SPOCK1: variants seen among roughly 807,000 people sequenced by gnomAD.
SPOCK1 encodes the protein testican-1.
SPOCK1 carries 23 observed loss-of-function variants against 55.3 expected under a neutral mutation model. The ratio of observed to expected loss-of-function variants is 0.42; its 90% CI spans 0.30 to 0.59. The LOEUF (loss-of-function observed/expected upper bound fraction) is 0.59. SPOCK1 is among the 20% of genes least tolerant of loss of function. The pLI is 0.22. For synonymous variants in SPOCK1, 226 were observed against 221.0 expected (o/e 1.02, Z -0.20); for missense variants, 499 against 552.5 (o/e 0.90, Z 0.97).
intron 6 of SPOCK1, among the ~76,000 whole-genome samples, chr5:137,011,506 T>G (rs1044325463): frequency 2.0e-5 from 3 of 152,280 alleles, no homozygotes; most frequent in African/African-American, 7.2e-5. Flanking sequence ...CCAGCATGTT[T>G]TTCTCCCTAA....
intron 2 of SPOCK1, among the ~76,000 whole-genome samples, chr5:137,358,518 G>A (rs1487930414): frequency 6.7e-6 from 1 of 149,536 alleles, no homozygotes; most frequent in Non-Finnish European, 1.5e-5. Flanking sequence ...GAAGGGAGGA[G>A]GTGGAGGAGT....
At chr5:137,292,633 C>A (rs1447573011) in intron 2 of SPOCK1, among the ~76,000 whole-genome samples, 1 of 152,100 alleles carries the variant, frequency 6.6e-6, no homozygotes, top group Non-Finnish European at 1.5e-5. Context: ...GCACATGAAT[C>A]TCTACAGCGT....
At chr5:137,030,964 C>T (rs1424292070) in intron 6 of SPOCK1, among the ~76,000 whole-genome samples, 1 of 152,138 alleles carries the variant, frequency 6.6e-6, no homozygotes, top group African/African-American at 2.4e-5. Context: ...CAAGGCACTA[C>T]CTATAAAATC....
At chr5:137,174,750 G>A (rs1339926697) in intron 3 of SPOCK1, among the ~76,000 whole-genome samples, 2 of 152,232 alleles carry the variant, frequency 1.3e-5, no homozygotes, top group African/African-American at 2.4e-5. Context: ...GTATTGATCA[G>A]GGAAGAAACA....
chr5:137,390,322 T>C (rs533443241), intron 2 of SPOCK1, among the ~76,000 whole-genome samples: 1 of 152,324 alleles, frequency 6.6e-6, no homozygotes, highest in East Asian at 1.9e-4. Context: ...TGGCTGCTAA[T>C]GCAATGACCC....
chr5:137,149,100 C>T (rs758704770), intron 3 of SPOCK1, among the ~76,000 whole-genome samples: 3 of 152,194 alleles, frequency 2.0e-5, no homozygotes, highest in Non-Finnish European at 2.9e-5. Flanking sequence ...CTTTTAAAGG[C>T]AATGCTGCTG....
At chr5:137,412,492 A>G (rs1337737839) in intron 2 of SPOCK1, among the ~76,000 whole-genome samples, 1 of 152,262 alleles carries the variant, frequency 6.6e-6, no homozygotes, top group East Asian at 1.9e-4. Context: ...AAACAACTGC[A>G]TAGCTGTCCA....
rs200427952 is a variant in SPOCK1, at chr5:137,471,988, AG to A, written c.186+26384del. On this transcript the variant is annotated intron_variant, in intron 2 of 10. Coordinates refer to ENST00000394945, the MANE Select transcript of SPOCK1 (RefSeq NM_004598.4). ...GGAGAGGAGAACAGAGCAACTGACA[AG>A]GGTGAGCAGAAATAAAAGGGATGAA... is the stretch of plus-strand genomic sequence containing the variant. 1.2e-4 allele frequency among the ~76,000 whole-genome samples: 18 copies of A among 152,332 alleles called. No individual in the cohort carries two copies. The East Asian group carries it at 3.5e-3, about 29-fold the overall frequency.
intron 6 of SPOCK1, among the ~76,000 whole-genome samples, chr5:137,044,150 A>G (rs1752057537): frequency 6.6e-6 from 1 of 152,232 alleles, no homozygotes; most frequent in South Asian, 2.1e-4. Context: ...TGTTCTAAGC[A>G]TAAAGAATGA....
intron 6 of SPOCK1, among the ~76,000 whole-genome samples, chr5:137,014,311 CG>C (rs1580707915): frequency 6.6e-6 from 1 of 152,182 alleles, no homozygotes; most frequent in African/African-American, 2.4e-5. Flanking sequence ...CCTGCAGAAT[CG>C]TGAGCCAACT....
intron 6 of SPOCK1, among the ~76,000 whole-genome samples, chr5:137,014,118 C>A (rs566063187): frequency 9.9e-5 from 15 of 152,258 alleles, no homozygotes; most frequent in Admixed American, 8.5e-4. Flanking sequence ...TGACTTCTTG[C>A]AAGATCTGGT....
intron 2 of SPOCK1, among the ~76,000 whole-genome samples, chr5:137,482,340 G>A (rs947400962): frequency 6.6e-6 from 1 of 152,182 alleles, no homozygotes; most frequent in Non-Finnish European, 1.5e-5. Flanking sequence ...TGAACCAGAA[G>A]TAAAGACGTG....
intron 2 of SPOCK1, among the ~76,000 whole-genome samples, chr5:137,277,444 G>A (rs567594981): frequency 4.6e-4 from 70 of 152,214 alleles, no homozygotes; most frequent in African/African-American, 1.5e-3. Context: ...GCCTGACTTC[G>A]AAGATCATGC....
At chr5:137,067,992 T>C (rs1752543586) in intron 5 of SPOCK1, among the ~76,000 whole-genome samples, 163 bp from the exon 6 acceptor site, 1 of 152,110 alleles carries the variant, frequency 6.6e-6, no homozygotes, top group South Asian at 2.1e-4. Context: ...AAATAAGAAA[T>C]GGCCTTTTAT....
intron 3 of SPOCK1, among the ~76,000 whole-genome samples, chr5:137,157,072 C>G (rs542266666): frequency 6.6e-6 from 1 of 152,180 alleles, no homozygotes; most frequent in Non-Finnish European, 1.5e-5. Flanking sequence ...ATTTCCTTCT[C>G]CCCCTTTACA....
chr5:137,088,580 C>T (rs972308373), intron 5 of SPOCK1, among the ~76,000 whole-genome samples: 2 of 152,206 alleles, frequency 1.3e-5, no homozygotes, highest in East Asian at 3.9e-4. Context: ...CCCACCTTCA[C>T]CCCCAGTCCT....
chr5:137,410,867 G>A (rs1241126423), intron 2 of SPOCK1, among the ~76,000 whole-genome samples: 1 of 152,280 alleles, frequency 6.6e-6, no homozygotes, highest in East Asian at 1.9e-4. Context: ...GAGGGAGGAG[G>A]GGATGCAAGC....
At chr5:137,254,902 A>T (rs192735327) in intron 3 of SPOCK1, among the ~76,000 whole-genome samples, 127 of 152,270 alleles carry the variant, frequency 8.3e-4, no homozygotes, top group African/African-American at 2.9e-3. Flanking sequence ...GATCATCTGA[A>T]CTCCTTGTTC....
At chr5:137,089,602 G>T (rs1047403456) in intron 5 of SPOCK1, among the ~76,000 whole-genome samples, 1 of 152,146 alleles carries the variant, frequency 6.6e-6, no homozygotes, top group African/African-American at 2.4e-5. Context: ...AGTGCCTGAG[G>T]TCATCAAGAG....
Sources: gnomAD v4.1 joint callset for allele counts (sites outside exome capture counted in the v4.1 genomes callset) on GRCh38, gnomAD v4.1.1 for gene constraint, MANE v1.5 for transcripts, NCBI Gene and HGNC (gene_info 2026-07-23, HGNC 2026-07-21) for gene names.